Variants in CEP126 observed in about 807,000 individuals in gnomAD.
CEP126 encodes centrosomal protein of 126 kDa.
In CEP126, 74 loss-of-function variants were observed where a neutral mutation model predicts 107.8. The observed-to-expected ratio is 0.69, with a 90% CI of 0.57 to 0.83. The LOEUF is 0.83. CEP126 is among the 40% of genes least tolerant of loss of function. The pLI is 0.00. For missense variants in CEP126, 1,237 were observed against 1,281.9 expected, an observed-to-expected ratio of 0.96 and a Z score of 0.53; for synonymous variants, 449 against 446.0, an observed-to-expected ratio of 1.01 and a Z score of -0.08.
At chr11:101,945,317 A>C (rs1328198890) in intron 3 of CEP126, among the ~76,000 whole-genome samples, 1 of 152,210 alleles carries the variant, frequency 6.6e-6, no homozygotes, top group Non-Finnish European at 1.5e-5. Context: ...GTACAAATAA[A>C]TTATGTATTT....
rs1941022668 is a variant in CEP126 at position 101,963,759 on chromosome 11, C to G, written c.2724C>G (p.Thr908=). The G allele has an allele frequency of 1.9e-6, 3 of 1,613,850 alleles. No homozygotes were observed. Among genetic ancestry groups the G allele is most frequent in the Non-Finnish European group, 2.5e-6 (3 of 1,179,986 alleles). ...VARQDATLYC[T]QRSPVCEESY... ...GGCAAGATGCGACATTATATTGCACCCAAAGAAGTCCTGTTTGTGAAGAAA... is the reference window on the plus strand; with the variant it reads ...GGCAAGATGCGACATTATATTGCACGCAAAGAAGTCCTGTTTGTGAAGAAA... Residue 908 remains threonine, a synonymous_variant, in exon 6 of 11, where the codon ACC becomes ACG. Transcript: ENST00000263468.
intron 10 of CEP126, among the ~76,000 whole-genome samples, chr11:101,995,930 C>T (rs1027671529): frequency 3.3e-5 from 5 of 152,182 alleles, no homozygotes; most frequent in African/African-American, 1.2e-4. Flanking sequence ...ACATCATGAG[C>T]ACAAAATAGC....
intron 2 of CEP126, among the ~76,000 whole-genome samples, chr11:101,935,088 A>C (rs1247847253): frequency 6.6e-6 from 1 of 151,990 alleles, no homozygotes; most frequent in African/African-American, 2.4e-5. Context: ...CTATATACTA[A>C]GAATAAATTG....
At chr11:101,990,984 C>A (rs1941372105) in intron 9 of CEP126, among the ~76,000 whole-genome samples, 2 of 151,738 alleles carry the variant, frequency 1.3e-5, no homozygotes, top group South Asian at 4.2e-4. Context: ...ACCAGCTGGG[C>A]AACATGGTGA....
intron 9 of CEP126, among the ~76,000 whole-genome samples, chr11:101,989,397 C>G (rs554013897): frequency 6.6e-6 from 1 of 152,128 alleles, no homozygotes; most frequent in East Asian, 1.9e-4. Context: ...CTAGATGCCA[C>G]AGCACTTCCC....
intron 6 of CEP126, among the ~76,000 whole-genome samples, chr11:101,968,747 A>C (rs1941089612): frequency 6.6e-6 from 1 of 152,202 alleles, no homozygotes; most frequent in African/African-American, 2.4e-5. Flanking sequence ...GGTAAAAACA[A>C]ACCTTAAGGG....
chr11:101,967,892 C>T (rs568026319), intron 6 of CEP126, among the ~76,000 whole-genome samples: 20 of 152,122 alleles, frequency 1.3e-4, no homozygotes, highest in Non-Finnish European at 2.6e-4. Context: ...AGGAGGGCTA[C>T]ATACAGGGCT....
intron 6 of CEP126, among the ~76,000 whole-genome samples, chr11:101,974,952 T>C (rs958111346): frequency 6.6e-6 from 1 of 152,008 alleles, no homozygotes; most frequent in African/African-American, 2.4e-5. Flanking sequence ...CTTCAGAAAA[T>C]TGATGAGCAA....
chr11:101,922,353 C>T lies in CEP126; in HGVS notation c.129-288C>T, dbSNP rs138412958. ...CTAATTTTTGTATTTTTAGTAGAGA[C>T]GGGGTTTTGCCACGTTGGCCAGCCG... On this transcript the variant is annotated intron_variant, in intron 1 of 10. Transcript: ENST00000263468. Among the ~76,000 whole-genome samples, 1,135 of 151,736 alleles carry T rather than the reference C, an allele frequency of 7.5e-3. 16 individuals carry two copies. Among genetic ancestry groups the T allele is most frequent in the African/African-American group, 0.026 (1,055 of 41,372 alleles).
At chr11:101,975,613 T>C (rs555618327) in intron 6 of CEP126, among the ~76,000 whole-genome samples, 4 of 152,310 alleles carry the variant, frequency 2.6e-5, no homozygotes, top group African/African-American at 9.6e-5. Flanking sequence ...GGTTCAGAAG[T>C]ATATGTGCAT....
chr11:101,926,930 A>G (rs1940420662), intron 2 of CEP126, among the ~76,000 whole-genome samples: 1 of 152,204 alleles, frequency 6.6e-6, no homozygotes, highest in African/African-American at 2.4e-5. Flanking sequence ...TTAGGCTATA[A>G]TAAGTAGCCT....
chr11:101,944,642 T>TA (rs1473007666), intron 3 of CEP126, among the ~76,000 whole-genome samples: 1 of 152,186 alleles, frequency 6.6e-6, no homozygotes, highest in African/African-American at 2.4e-5. Flanking sequence ...TGATTTGACT[T>TA]CCAACTGGTT....
At position 101,963,579 on chromosome 11, in the gene CEP126, C is replaced by G. The variant is rs763610031; in HGVS notation, c.2544C>G (p.His848Gln). 2 of 1,614,162 alleles carry G rather than the reference C, an allele frequency of 1.2e-6. No homozygotes were observed. The highest frequency in any genetic ancestry group is 1.7e-6 in the Non-Finnish European group (2 of 1,180,018). The change falls in exon 6 of 11, where the codon CAC becomes CAG. Residue 848 changes from histidine to glutamine, a missense_variant. By Grantham distance (24) the His-to-Gln change is conservative. Coordinates refer to ENST00000263468, the MANE Select transcript of CEP126 (RefSeq NM_020802.4). ...CAAAACATGTGCTTCCAACAGAACA[C>G]AGTTTGAATCAGTGGAATCAGGAAA... ...FNSKHVLPTE[H>Q]SLNQWNQESS...
intron 5 of CEP126, 71 bp from the exon 6 acceptor site, chr11:101,961,670 G>A (rs1940970565): frequency 1.3e-6 from 1 of 798,462 alleles, no homozygotes; most frequent in African/African-American, 1.7e-5. Context: ...CAGTAACAAT[G>A]GTATGTTGAA....
At chr11:101,947,990 TAA>T (rs1565356095) in intron 3 of CEP126, 39 bp from the exon 4 acceptor site, 1 of 1,019,490 alleles carries the variant, frequency 9.8e-7, no homozygotes, top group South Asian at 1.9e-5. Flanking sequence ...CCACTGAAGA[TAA>T]AGTGATTCTG....
rs1941460266 is a variant in CEP126 at position 101,997,744 on chromosome 11, A to G, written c.*101A>G. On this transcript the variant is annotated 3_prime_UTR_variant, in exon 11 of 11. Transcript: ENST00000263468. ...GCCATAGGAAAACATGTGAGCAACA[A>G]CCCCCATGAACATTTGTCCTAACTC... 1 of 1,514,222 alleles carries G rather than the reference A, an allele frequency of 6.6e-7. No individual in the cohort carries two copies. Among genetic ancestry groups the G allele is most frequent in the East Asian group, 2.3e-5 (1 of 44,112 alleles). 93.8% of individuals were successfully genotyped at this position (1,514,222 alleles called of 1,614,324 possible).
At chr11:101,936,173 G>A (rs185262946) in intron 2 of CEP126, among the ~76,000 whole-genome samples, 1 of 152,064 alleles carries the variant, frequency 6.6e-6, no homozygotes, top group East Asian at 1.9e-4. Flanking sequence ...CATGAACACA[G>A]CTTATCTCTT....
chr11:101,923,182 G>A lies in CEP126; in HGVS notation c.248+422G>A, dbSNP rs116941723. 6.1e-3 allele frequency among the ~76,000 whole-genome samples: 930 copies of A among 151,508 alleles called. 8 individuals are homozygous for A. The highest frequency in any genetic ancestry group is 9.0e-3 in the Non-Finnish European group (608 of 67,876). Reference sequence around the variant, plus strand: ...TTTCTATATCTGCCACTTTTCATTCGTTCAATCTGAAAAATTGGAAAAAAT... The same window carrying A: ...TTTCTATATCTGCCACTTTTCATTCATTCAATCTGAAAAATTGGAAAAAAT... On this transcript the variant is annotated intron_variant, in intron 2 of 10. Coordinates refer to ENST00000263468, the MANE Select transcript of CEP126 (RefSeq NM_020802.4).
chr11:101,951,140 G>A (rs1393641900), intron 4 of CEP126, among the ~76,000 whole-genome samples: 1 of 152,110 alleles, frequency 6.6e-6, no homozygotes, highest in Non-Finnish European at 1.5e-5. Flanking sequence ...AAGATAATGT[G>A]CTTTCACAGT....
Sources: allele counts gnomAD v4.1 joint callset (sites outside exome capture counted in the v4.1 genomes callset), GRCh38; gene constraint gnomAD v4.1.1; transcripts MANE v1.5; gene names NCBI Gene and HGNC (gene_info 2026-07-23, HGNC 2026-07-21).